The following UBE2E2 variants were observed in gnomAD, a reference collection of about 807,000 sequenced individuals.
UBE2E2 encodes the protein ubiquitin-conjugating enzyme E2 E2.
In UBE2E2, 6 loss-of-function variants were observed where a neutral mutation model predicts 24.7. The observed-to-expected ratio is 0.24, with a 90% confidence interval of 0.13 to 0.48. The LOEUF (loss-of-function observed/expected upper bound fraction) is 0.48. Ranked by LOEUF, UBE2E2 falls within the 20% of genes least tolerant of loss-of-function variation. The pLI is 0.99. For synonymous variants in UBE2E2, 104 were observed against 83.6 expected (o/e 1.24, Z -1.33); for missense variants, 169 against 245.0 (o/e 0.69, Z 2.07).
chr3:23,272,646 T>C (rs1034420995), intron 3 of UBE2E2, among the ~76,000 whole-genome samples: 3 of 152,142 alleles, frequency 2.0e-5, no homozygotes, highest in African/African-American at 4.8e-5. Flanking sequence ...TACAGAGAAA[T>C]AGACTATCTA....
At chr3:23,328,693 C>T (rs867558334) in intron 3 of UBE2E2, among the ~76,000 whole-genome samples, 3 of 147,052 alleles carry the variant, frequency 2.0e-5, no homozygotes, top group Non-Finnish European at 3.0e-5. Flanking sequence ...GACGGAGTCT[C>T]GCTCTGTCGC....
chr3:23,437,704 C>T (rs1015527745), intron 3 of UBE2E2, among the ~76,000 whole-genome samples: 2 of 152,144 alleles, frequency 1.3e-5, no homozygotes, highest in Non-Finnish European at 2.9e-5. Flanking sequence ...GGCATGTTTC[C>T]GTCAGACAGG....
intron 3 of UBE2E2, among the ~76,000 whole-genome samples, chr3:23,373,524 C>T (rs1559365165): frequency 6.6e-6 from 1 of 152,142 alleles, no homozygotes; most frequent in Non-Finnish European, 1.5e-5. Context: ...CCATGGAAAA[C>T]ACTTCCAGTT....
intron 3 of UBE2E2, among the ~76,000 whole-genome samples, chr3:23,344,935 A>G (rs1695506867): frequency 1.3e-5 from 2 of 152,028 alleles, no homozygotes; most frequent in African/African-American, 2.4e-5. Context: ...TTATGAGGAG[A>G]GAAAACATTG....
intron 3 of UBE2E2, among the ~76,000 whole-genome samples, chr3:23,442,989 A>G (rs757098820): frequency 5.9e-5 from 9 of 152,194 alleles, no homozygotes; most frequent in Non-Finnish European, 8.8e-5. Flanking sequence ...TTAGATGTAT[A>G]TTACCTGTGT....
intron 5 of UBE2E2, among the ~76,000 whole-genome samples, chr3:23,586,892 A>C (rs776140280): frequency 7.4e-6 from 1 of 135,012 alleles, no homozygotes; most frequent in Non-Finnish European, 1.6e-5. Flanking sequence ...ACAAAAGCAG[A>C]CTATAAATTA....
Position 23,208,119 on chromosome 3 carries a change from A to G in UBE2E2, c.-8-573A>G, listed in dbSNP as rs117208718. ...TATCAATCATATTTTTATTTTTTGTAGAGATCGAGTCCCACTACGTTGCCC... is the reference window on the plus strand; with the variant it reads ...TATCAATCATATTTTTATTTTTTGTGGAGATCGAGTCCCACTACGTTGCCC... On this transcript the variant is annotated intron_variant, in intron 1 of 5. Coordinates refer to ENST00000396703, the MANE Select transcript of UBE2E2 (RefSeq NM_152653.4). Among the ~76,000 whole-genome samples the G allele has an allele frequency of 6.6e-4, 101 of 151,930 alleles. 5 individuals are homozygous for G. The East Asian group carries it at 0.016, about 24-fold the overall frequency.
intron 4 of UBE2E2, among the ~76,000 whole-genome samples, chr3:23,531,240 C>T (rs1695116833): frequency 6.6e-6 from 1 of 152,132 alleles, no homozygotes; most frequent in African/African-American, 2.4e-5. Flanking sequence ...GCAGCACCTG[C>T]AGAGATCTGC....
At chr3:23,545,126 G>GGGCAGGA (rs1229888187) in intron 5 of UBE2E2, among the ~76,000 whole-genome samples, 17 of 152,122 alleles carry the variant, frequency 1.1e-4, no homozygotes, top group Non-Finnish European at 1.3e-4. Flanking sequence ...GCCCAGGGAC[G>GGGCAGGA]GGCAGGAGAC....
intron 3 of UBE2E2, among the ~76,000 whole-genome samples, chr3:23,428,600 A>G (rs1361367326): frequency 6.6e-6 from 1 of 152,164 alleles, no homozygotes; most frequent in Admixed American, 6.6e-5. Flanking sequence ...AATGATCTCA[A>G]AAGCTGGTTC....
intron 3 of UBE2E2, among the ~76,000 whole-genome samples, chr3:23,242,296 C>T (rs936202730): frequency 1.3e-5 from 2 of 151,878 alleles, no homozygotes; most frequent in Admixed American, 1.3e-4. Flanking sequence ...AAATAAAGGT[C>T]TGCTGTATAG....
intron 5 of UBE2E2, among the ~76,000 whole-genome samples, chr3:23,588,753 C>G (rs748977633): frequency 2.0e-5 from 3 of 152,154 alleles, no homozygotes; most frequent in Non-Finnish European, 4.4e-5. Flanking sequence ...GACTCAGCCT[C>G]CTTATGCTCC....
At chr3:23,310,500 A>T (rs1483362781) in intron 3 of UBE2E2, among the ~76,000 whole-genome samples, 2 of 152,210 alleles carry the variant, frequency 1.3e-5, no homozygotes, top group Non-Finnish European at 2.9e-5. Context: ...GCAGTGTGGA[A>T]AAGCTGTTGG....
chr3:23,383,636 T>TG (rs927844763), intron 3 of UBE2E2, among the ~76,000 whole-genome samples: 43 of 152,186 alleles, frequency 2.8e-4, no homozygotes, highest in African/African-American at 9.9e-4. Flanking sequence ...ACTGAGGTTT[T>TG]TTTTGTTTTG....
Position 23,402,502 on chromosome 3 carries a change from T to C in UBE2E2, c.228-97106T>C, listed in dbSNP as rs907537783. 2.6e-5 allele frequency among the ~76,000 whole-genome samples: 4 copies of C among 152,230 alleles called. No homozygotes were observed. In the East Asian group the frequency reaches 5.8e-4, roughly 22 times the overall value. ...GTCAGGGTTGATTAAAGTTTAGAAATTGTTTTAAGAACTTTAATTCAGCTG... is the reference window on the plus strand; with the variant it reads ...GTCAGGGTTGATTAAAGTTTAGAAACTGTTTTAAGAACTTTAATTCAGCTG... On this transcript the variant is annotated intron_variant, in intron 3 of 5. Coordinates refer to ENST00000396703, the MANE Select transcript of UBE2E2 (RefSeq NM_152653.4).
At chr3:23,524,024 A>G (rs1461714238) in intron 4 of UBE2E2, among the ~76,000 whole-genome samples, 1 of 152,102 alleles carries the variant, frequency 6.6e-6, no homozygotes, top group Non-Finnish European at 1.5e-5. Flanking sequence ...CTGATTGCAG[A>G]TTTTCTCAGT....
Position 23,589,684 on chromosome 3 carries a change from T to C in UBE2E2, c.509-50T>C, listed in dbSNP as rs1211241713. Reference sequence around the variant, plus strand: ...CCTTGCCAGCTTTCTGAACACTTCTTCCCCCACAGTGCTGGTATTTACTGA... The same window carrying C: ...CCTTGCCAGCTTTCTGAACACTTCTCCCCCCACAGTGCTGGTATTTACTGA... On this transcript the variant is annotated intron_variant, in intron 5 of 5. Coordinates refer to ENST00000396703, the MANE Select transcript of UBE2E2 (RefSeq NM_152653.4). The surrounding 1 kb of genome is among the most constrained non-coding windows in gnomAD (Gnocchi z 4.1). The C allele has an allele frequency of 6.3e-7, 1 of 1,591,428 alleles. No individual in the cohort carries two copies. The highest frequency in any genetic ancestry group is 1.1e-5 in the South Asian group (1 of 89,802).
intron 3 of UBE2E2, among the ~76,000 whole-genome samples, chr3:23,286,192 G>T (rs1231486260): frequency 1.3e-5 from 2 of 152,062 alleles, no homozygotes; most frequent in East Asian, 3.9e-4. Context: ...GATTCCATTT[G>T]CCCATTTTTG....
intron 5 of UBE2E2, among the ~76,000 whole-genome samples, chr3:23,576,616 A>G (rs1419539912): frequency 2.0e-5 from 3 of 152,172 alleles, no homozygotes; most frequent in Middle Eastern, 3.2e-3. Flanking sequence ...TGACTGTGCT[A>G]TATATGGCTG....
Sources: gnomAD v4.1 joint callset for allele counts (sites outside exome capture counted in the v4.1 genomes callset) on GRCh38, gnomAD v4.1.1 for gene constraint, Gnocchi (gnomAD v3.1) non-coding constraint, MANE v1.5 for transcripts, NCBI Gene and HGNC (gene_info 2026-07-23, HGNC 2026-07-21) for gene names.